TRIM58: variants seen among roughly 807,000 people sequenced by gnomAD.
The protein encoded by TRIM58 is E3 ubiquitin-protein ligase TRIM58.
In TRIM58, 38 loss-of-function variants were observed where a neutral mutation model predicts 34.1. That is an observed-to-expected ratio of 1.12 (90% CI 0.86 to 1.46). The LOEUF is 1.46. Ranked by LOEUF, TRIM58 falls within the 40% of genes most tolerant of loss-of-function variation. TRIM58 has a pLI of 0.00. For synonymous variants in TRIM58, 273 were observed against 275.7 expected (o/e 0.99, Z 0.10); for missense variants, 677 against 642.0 (o/e 1.05, Z -0.59).
rs111678200 is a variant in TRIM58 at position 247,869,899 on chromosome 1, T to C, written c.871+1836T>C. ...ACGCAGTGGGATACAGATGCTTATA[T>C]ACCTTTCTTTATTGGAGGAAAGGGA... On this transcript the variant is annotated intron_variant, in intron 5 of 5. Coordinates refer to ENST00000366481, the MANE Select transcript of TRIM58 (RefSeq NM_015431.4). Among the ~76,000 whole-genome samples the C allele has an allele frequency of 1.0e-3, 152 of 152,368 alleles. 1 individual carries two copies. The highest frequency in any genetic ancestry group is 3.4e-3 in the African/African-American group (142 of 41,588).
intron 3 of TRIM58, among the ~76,000 whole-genome samples, chr1:247,865,449 A>G (rs750521772): frequency 1.3e-5 from 2 of 152,248 alleles, no homozygotes; most frequent in Non-Finnish European, 2.9e-5. Context: ...TGGCTAGCAC[A>G]GAAAGTCTGC....
intron 1 of TRIM58, 117 bp downstream of exon 1, chr1:247,857,783 C>G (rs1572567089): frequency 1.7e-5 from 20 of 1,178,054 alleles, no homozygotes; most frequent in Middle Eastern, 3.4e-4. Flanking sequence ...GCCGCTCCCC[C>G]CACCGCGCGC....
chr1:247,873,953 G>A (rs772813262), intron 5 of TRIM58, among the ~76,000 whole-genome samples: 2 of 148,622 alleles, frequency 1.3e-5, no homozygotes, highest in East Asian at 2.0e-4. Flanking sequence ...GCAACAGAGC[G>A]AGACTCCGTT....
Position 247,879,841 on chromosome 1 carries a change from C to T in TRIM58, c.*3352C>T, listed in dbSNP as rs561584000. Among the ~76,000 whole-genome samples, 10 of 151,948 alleles carry T rather than the reference C, an allele frequency of 6.6e-5. No homozygotes were observed. In the South Asian group the frequency reaches 2.1e-3, roughly 32 times the overall value. On this transcript the variant is annotated 3_prime_UTR_variant, in exon 6 of 6. Transcript: ENST00000366481. ...CCAGCTTCTCAGTGATACCACACAG[C>T]CCTACTCCCCCCAGAGCCCATCTAG...
intron 3 of TRIM58, among the ~76,000 whole-genome samples, chr1:247,866,514 G>T (rs2103327594): frequency 6.6e-6 from 1 of 152,268 alleles, no homozygotes; most frequent in South Asian, 2.1e-4. Flanking sequence ...TTATTGCTCT[G>T]CCTGCCTTGG....
Position 247,864,805 on chromosome 1 carries a change from C to A in TRIM58, c.617C>A (p.Ala206Glu), listed in dbSNP as rs767483764. The change falls in exon 3 of 6, where the codon GCG (alanine) becomes GAG (glutamate). Residue 206 changes from alanine to glutamate, a missense_variant. Physicochemically the swap from Ala to Glu is moderately radical, Grantham distance 107. Coordinates refer to ENST00000366481, the MANE Select transcript of TRIM58 (RefSeq NM_015431.4). ...CAACGGCAGCTGAGGCGGCTGGAGG[C>A]GGAGGAGCGAGCGACGCTGCAGAGA... is the stretch of plus-strand genomic sequence containing the variant. ...EEQRQLRRLE[A>E]EERATLQRLR... 1.2e-6 allele frequency: 2 copies of A among 1,613,832 alleles called. No individual in the cohort carries two copies. Among genetic ancestry groups the A allele is most frequent in the African/African-American group, 2.7e-5 (2 of 74,894 alleles).
rs61730479 is a variant in TRIM58 at position 247,864,796 on chromosome 1, G to C, written c.608G>C (p.Arg203Pro). 6.2e-7 allele frequency: 1 copy of C among 1,613,886 alleles called. No individual in the cohort carries two copies. ...CAGGAGGAGCAACGGCAGCTGAGGCGGCTGGAGGCGGAGGAGCGAGCGACG... is the reference window on the plus strand; with the variant it reads ...CAGGAGGAGCAACGGCAGCTGAGGCCGCTGGAGGCGGAGGAGCGAGCGACG... Reference protein sequence around the residue: ...LAQEEQRQLRRLEAEERATLQ... With the variant: ...LAQEEQRQLRPLEAEERATLQ... Residue 203 changes from arginine to proline, a missense_variant, in exon 3 of 6, where the codon CGG becomes CCG. Coordinates refer to ENST00000366481, the MANE Select transcript of TRIM58 (RefSeq NM_015431.4).
intron 5 of TRIM58, among the ~76,000 whole-genome samples, chr1:247,873,324 T>C (rs1165115667): frequency 1.3e-5 from 2 of 152,022 alleles, no homozygotes; most frequent in Non-Finnish European, 2.9e-5. Flanking sequence ...GGTCACATCA[T>C]GATGAAGAAT....
chr1:247,868,976 T>C (rs1663997117), intron 5 of TRIM58, among the ~76,000 whole-genome samples: 1 of 152,184 alleles, frequency 6.6e-6, no homozygotes, highest in African/African-American at 2.4e-5. Context: ...CTCAGCTCAC[T>C]GCAACCTCCA....
At chr1:247,871,593 C>G (rs1463454343) in intron 5 of TRIM58, among the ~76,000 whole-genome samples, 1 of 152,124 alleles carries the variant, frequency 6.6e-6, no homozygotes, top group Non-Finnish European at 1.5e-5. Context: ...CCCACGTTCT[C>G]CTGGGTAGAT....
chr1:247,868,977 G>A (rs1379398716), intron 5 of TRIM58, among the ~76,000 whole-genome samples: 3 of 152,142 alleles, frequency 2.0e-5, no homozygotes, highest in Non-Finnish European at 2.9e-5. Flanking sequence ...TCAGCTCACT[G>A]CAACCTCCAC....
chr1:247,861,763 A>G (rs978316720), intron 2 of TRIM58, among the ~76,000 whole-genome samples: 1 of 152,046 alleles, frequency 6.6e-6, no homozygotes, highest in African/African-American at 2.4e-5. Flanking sequence ...TTCTTTATTT[A>G]CTACATTACT....
In TRIM58 at chr1:247,874,053, A is replaced by C. The variant is rs371420092; in HGVS notation, c.872-1847A>C. ...GCAGTAGCAGTAGCAGTAGCAGTAG[A>C]AACAGTATTTGTTCTGATATTAAAA... On this transcript the variant is annotated intron_variant, in intron 5 of 5. Coordinates refer to ENST00000366481, the MANE Select transcript of TRIM58 (RefSeq NM_015431.4). Among the ~76,000 whole-genome samples the C allele has an allele frequency of 9.9e-5, 15 of 152,242 alleles. No individual in the cohort carries two copies. The East Asian group carries it at 1.2e-3, about 12-fold the overall frequency.
chr1:247,869,943 A>AT (rs1659059980), intron 5 of TRIM58, among the ~76,000 whole-genome samples: 3 of 152,124 alleles, frequency 2.0e-5, no homozygotes, highest in African/African-American at 7.2e-5. Context: ...GGTGTGGATG[A>AT]TTTTAGGGAG....
chr1:247,878,742 A>T lies in TRIM58; in HGVS notation c.*2253A>T, dbSNP rs1659346164. On this transcript the variant is annotated 3_prime_UTR_variant, in exon 6 of 6. Coordinates refer to ENST00000366481, the MANE Select transcript of TRIM58 (RefSeq NM_015431.4). ...TCTACTCTCTCCATAGGATGGAATGAGTGTCCCAGTCCCAGGAGTATCCAT... is the reference window on the plus strand; with the variant it reads ...TCTACTCTCTCCATAGGATGGAATGTGTGTCCCAGTCCCAGGAGTATCCAT... Among the ~76,000 whole-genome samples the T allele has an allele frequency of 6.6e-6, 1 of 152,206 alleles. No individual in the cohort carries two copies. Among genetic ancestry groups the T allele is most frequent in the African/African-American group, 2.4e-5 (1 of 41,448 alleles).
chr1:247,857,225 G>A lies in TRIM58; in HGVS notation c.-22G>A. ...GGAGACGGTGCGGGCGGCCGGGAGC[G>A]CAGCCCTCCGGGAGGCGGGTCATGG... is the stretch of plus-strand genomic sequence containing the variant. On this transcript the variant is annotated 5_prime_UTR_variant, in exon 1 of 6. Transcript: ENST00000366481. The A allele has an allele frequency of 7.6e-7, 1 of 1,308,572 alleles. No individual in the cohort carries two copies. Among genetic ancestry groups the A allele is most frequent in the East Asian group, 3.1e-5 (1 of 31,908 alleles). 81.1% of individuals were successfully genotyped at this position (1,308,572 alleles called of 1,614,324 possible).
intron 1 of TRIM58, among the ~76,000 whole-genome samples, chr1:247,859,059 T>C (rs1663716219): frequency 6.6e-6 from 1 of 152,034 alleles, no homozygotes; most frequent in Admixed American, 6.6e-5. Context: ...CAGCCTCTAG[T>C]GTAATATTTC....
At position 247,878,413 on chromosome 1, in the gene TRIM58, G is replaced by A. The variant is rs183013346; in HGVS notation, c.*1924G>A. ...CTTACCTTCCAATCATATTACTAAC[G>A]TAGCCTTCTTCCTAGATTTTTTAAT... On this transcript the variant is annotated 3_prime_UTR_variant, in exon 6 of 6. Coordinates refer to ENST00000366481, the MANE Select transcript of TRIM58 (RefSeq NM_015431.4). Among the ~76,000 whole-genome samples the A allele has an allele frequency of 3.5e-3, 533 of 152,120 alleles. 7 individuals carry two copies. The highest frequency in any genetic ancestry group is 0.012 in the African/African-American group (508 of 41,498).
intron 5 of TRIM58, among the ~76,000 whole-genome samples, chr1:247,874,923 C>A (rs1016214061): frequency 6.6e-6 from 1 of 152,192 alleles, no homozygotes; most frequent in South Asian, 2.1e-4. Context: ...ACTGAGATTC[C>A]TGTTTTCTTG....
Sources: allele counts gnomAD v4.1 joint callset (sites outside exome capture counted in the v4.1 genomes callset), GRCh38; gene constraint gnomAD v4.1.1; transcripts MANE v1.5; gene names NCBI Gene and HGNC (gene_info 2026-07-23, HGNC 2026-07-21).